PARP8: variants seen among roughly 807,000 people sequenced by gnomAD.
PARP8 encodes protein mono-ADP-ribosyltransferase PARP8.
In PARP8, 51 loss-of-function variants were observed where a neutral mutation model predicts 124.1. The ratio of observed to expected loss-of-function variants is 0.41; its 90% CI spans 0.33 to 0.52. PARP8 has a LOEUF of 0.52. PARP8 is among the 20% of genes least tolerant of loss of function. The probability of loss-of-function intolerance (pLI) is 0.21; values close to 1 mark genes in which losing one functional copy is unlikely to be tolerated. For synonymous variants in PARP8, 391 were observed against 361.5 expected (o/e 1.08, Z -0.93); for missense variants, 860 against 1,018.9 (o/e 0.84, Z 2.12).
chr5:50,826,687 C>T, intron 18 of PARP8, 68 bp from the exon 19 acceptor site: 4 of 1,500,704 alleles, frequency 2.7e-6, no homozygotes, highest in South Asian at 2.8e-5. Flanking sequence ...AATCGGTTGC[C>T]AACTAAGAAA....
At chr5:50,812,073 G>T (rs114941734) in intron 14 of PARP8, among the ~76,000 whole-genome samples, 2 of 152,116 alleles carry the variant, frequency 1.3e-5, no homozygotes, top group South Asian at 2.1e-4. Flanking sequence ...CTTTAGAGTC[G>T]CATGATTTAT....
At chr5:50,718,334 A>T (rs1463771604) in intron 2 of PARP8, among the ~76,000 whole-genome samples, 1 of 152,044 alleles carries the variant, frequency 6.6e-6, no homozygotes, top group Admixed American at 6.6e-5. Flanking sequence ...TCTAAGAAGC[A>T]ATCTTGCATA....
At chr5:50,786,170 T>C (rs1406615174) in intron 9 of PARP8, among the ~76,000 whole-genome samples, 1 of 152,162 alleles carries the variant, frequency 6.6e-6, no homozygotes, top group Admixed American at 6.5e-5. Flanking sequence ...TTAGCTTACT[T>C]CATTTTCTTT....
chr5:50,738,887 T>A (rs185877617), intron 2 of PARP8: 4 of 658,628 alleles, frequency 6.1e-6, no homozygotes, highest in African/African-American at 1.8e-5. Context: ...TAATAAAAAA[T>A]TTATTATTGA....
In PARP8 at chr5:50,828,905, AAAAAG is replaced by A. The variant is rs201261638; in HGVS notation, c.2163+533_2163+537del. Among the ~76,000 whole-genome samples the A allele has an allele frequency of 7.1e-3, 1,080 of 152,138 alleles. 8 individuals are homozygous for A. Among genetic ancestry groups the A allele is most frequent in the East Asian group, 0.039 (201 of 5,186 alleles). ...CTGTCTCAACAACAAAAAAAGAAAA[AAAAAG>A]AAAAGAAAAGAGAGTTTAATTCCCT... On this transcript the variant is annotated intron_variant, in intron 21 of 25. Coordinates refer to ENST00000281631, the MANE Select transcript of PARP8 (RefSeq NM_024615.4).
chr5:50,771,997 C>A (rs1490672771), intron 7 of PARP8, among the ~76,000 whole-genome samples: 1 of 152,174 alleles, frequency 6.6e-6, no homozygotes, highest in African/African-American at 2.4e-5. Flanking sequence ...AGTTTCTCCT[C>A]CTCATCATCT....
At chr5:50,819,244 A>C (rs1280578152) in intron 15 of PARP8, among the ~76,000 whole-genome samples, 1 of 152,002 alleles carries the variant, frequency 6.6e-6, no homozygotes, top group Non-Finnish European at 1.5e-5. Flanking sequence ...TAAATTTACT[A>C]CCCATTATTA....
chr5:50,755,789 G>A (rs999256505), intron 3 of PARP8, among the ~76,000 whole-genome samples: 8 of 152,076 alleles, frequency 5.3e-5, no homozygotes, highest in Admixed American at 1.3e-4. Flanking sequence ...CCATTTTCAC[G>A]ATATTGATTC....
chr5:50,798,917 T>A (rs140497269), intron 14 of PARP8, among the ~76,000 whole-genome samples: 36 of 152,350 alleles, frequency 2.4e-4, no homozygotes, highest in African/African-American at 8.7e-4. Context: ...TAAATTGGGT[T>A]ATTTGTATTC....
chr5:50,747,803 C>A (rs186840999), intron 2 of PARP8, among the ~76,000 whole-genome samples: 4,352 of 113,492 alleles, frequency 0.038, 108 homozygotes, highest in Middle Eastern at 0.16. Flanking sequence ...GACGGAGTCT[C>A]GCTCTGTCGC....
chr5:50,676,085 T>G (rs1372767897), intron 2 of PARP8, among the ~76,000 whole-genome samples: 2 of 152,264 alleles, frequency 1.3e-5, no homozygotes, highest in Non-Finnish European at 2.9e-5. Flanking sequence ...TGTTATATAT[T>G]AGTGTGCTTT....
intron 7 of PARP8, among the ~76,000 whole-genome samples, chr5:50,768,174 A>G (rs1448479063): frequency 6.6e-6 from 1 of 152,222 alleles, no homozygotes; most frequent in African/African-American, 2.4e-5. Flanking sequence ...TAGACAAAGG[A>G]GGACCAACAT....
At chr5:50,744,675 GTAAT>G (rs1758364112) in intron 2 of PARP8, 1 of 688,770 alleles carries the variant, frequency 1.5e-6, no homozygotes, top group African/African-American at 1.8e-5. Flanking sequence ...GCACCTCAAT[GTAAT>G]TAATTGTAAG....
chr5:50,822,521 T>C, intron 17 of PARP8, 121 bp downstream of exon 17: 1 of 723,526 alleles, frequency 1.4e-6, no homozygotes, highest in South Asian at 1.8e-5. Context: ...GGTATTAAGA[T>C]GTTTTAATTA....
chr5:50,746,158 G>A (rs1447749135), intron 2 of PARP8, among the ~76,000 whole-genome samples: 3 of 151,958 alleles, frequency 2.0e-5, no homozygotes, highest in Non-Finnish European at 4.4e-5. Flanking sequence ...ATACTAATCT[G>A]CCTGGAAATA....
At chr5:50,708,483 A>G (rs980945534) in intron 2 of PARP8, among the ~76,000 whole-genome samples, 1 of 151,990 alleles carries the variant, frequency 6.6e-6, no homozygotes, top group East Asian at 1.9e-4. Flanking sequence ...TAATTAATAG[A>G]TTGAGAAGGT....
chr5:50,733,064 G>A (rs1395720507), intron 2 of PARP8, among the ~76,000 whole-genome samples: 1 of 151,976 alleles, frequency 6.6e-6, no homozygotes, highest in Non-Finnish European at 1.5e-5. Flanking sequence ...CACTTTGGGA[G>A]GCCAAAGCGG....
At chr5:50,752,903 C>T (rs1234300610) in intron 3 of PARP8, among the ~76,000 whole-genome samples, 2 of 151,912 alleles carry the variant, frequency 1.3e-5, no homozygotes, top group Non-Finnish European at 2.9e-5. Flanking sequence ...ACAGATTTGT[C>T]CTTTTATAAT....
At position 50,740,089 on chromosome 5, in the gene PARP8, T is replaced by C. The variant is rs536955929; in HGVS notation, c.147-10062T>C. Among the ~76,000 whole-genome samples the C allele has an allele frequency of 1.7e-3, 257 of 152,222 alleles. 1 individual carries two copies. Among genetic ancestry groups the C allele is most frequent in the African/African-American group, 6.0e-3 (248 of 41,526 alleles). ...TTAGTAAGCATTCATTCTACGTATA[T>C]TTATAATGTTCCCACTATGTGCTAG... On this transcript the variant is annotated intron_variant, in intron 2 of 25. Transcript: ENST00000281631.
Sources: allele counts gnomAD v4.1 joint callset (sites outside exome capture counted in the v4.1 genomes callset), GRCh38; gene constraint gnomAD v4.1.1; transcripts MANE v1.5; gene names NCBI Gene and HGNC (gene_info 2026-07-23, HGNC 2026-07-21).